UBE4B: variants seen among roughly 807,000 people sequenced by gnomAD.
UBE4B encodes the protein ubiquitin conjugation factor E4 B.
In UBE4B, 27 loss-of-function variants were observed where a neutral mutation model predicts 148.1. The observed-to-expected ratio is 0.18, with a 90% CI of 0.13 to 0.25. UBE4B has a LOEUF of 0.25. UBE4B is among the 10% of genes least tolerant of loss of function. The pLI, the probability that UBE4B is intolerant of heterozygous loss-of-function variation, is 1.00. For synonymous variants in UBE4B, 596 were observed against 619.3 expected (o/e 0.96, Z 0.56); for missense variants, 1,170 against 1,662.4 (o/e 0.70, Z 5.15).
In UBE4B at chr1:10,056,354, A is replaced by G. The variant is rs577288656; in HGVS notation, c.25-15674A>G. Among the ~76,000 whole-genome samples, 4 of 152,358 alleles carry G rather than the reference A, an allele frequency of 2.6e-5. No individual in the cohort carries two copies. In the East Asian group the frequency reaches 7.7e-4, roughly 29 times the overall value. ...GAGCAAAGGGATGGAGAAAACTGCT[A>G]GGCTGAAATTATTTTTTTAAAAAAG... On this transcript the variant is annotated intron_variant, in intron 1 of 27. Coordinates refer to ENST00000343090, the MANE Select transcript of UBE4B (RefSeq NM_001105562.3).
chr1:10,137,199 T>C lies in UBE4B; in HGVS notation c.2357T>C (p.Leu786Pro). The C allele has an allele frequency of 6.2e-7, 1 of 1,614,082 alleles. No homozygotes were observed. Among genetic ancestry groups the C allele is most frequent in the Non-Finnish European group, 8.5e-7 (1 of 1,179,990 alleles). Residue 786 changes from leucine (L) to proline (P), a missense_variant, in exon 17 of 28, where the codon CTC (leucine) becomes CCC (proline). Leu to Pro is a moderately conservative substitution (Grantham distance 98, BLOSUM62 -3). Coordinates refer to ENST00000343090, the MANE Select transcript of UBE4B (RefSeq NM_001105562.3). ...YIRRLRAIRELNRTVEDLKNN... is the reference protein window; with the variant it reads ...YIRRLRAIREPNRTVEDLKNN... Reference sequence around the variant, plus strand: ...CGCAGACTCCGGGCTATCCGGGAGCTCAATAGGTATGTGCCATGATACCGT... The same window carrying C: ...CGCAGACTCCGGGCTATCCGGGAGCCCAATAGGTATGTGCCATGATACCGT...
chr1:10,153,292 G>T (rs906412555), intron 21 of UBE4B, among the ~76,000 whole-genome samples: 7 of 151,690 alleles, frequency 4.6e-5, no homozygotes, highest in Admixed American at 2.0e-4. Flanking sequence ...GATTGTTTGA[G>T]CCTAAGAGTT....
At position 10,033,057 on chromosome 1, in the gene UBE4B, G is replaced by A. The variant is rs934246150; in HGVS notation, c.-614G>A. 1 of 152,326 alleles carries A rather than the reference G, an allele frequency of 6.6e-6. No individual in the cohort carries two copies. The highest frequency in any genetic ancestry group is 1.5e-5 in the Non-Finnish European group (1 of 68,100). 9.4% of individuals were successfully genotyped at this position (152,326 alleles called of 1,614,324 possible). A position where few individuals can be genotyped will look rare whatever the true frequency, so the allele number is the denominator to read the frequency against. ...AGGGGTAGGAGGATTTACTCTTCCAGCGAGAGCTACGCGCATCCCATCCTC... is the reference window on the plus strand; with the variant it reads ...AGGGGTAGGAGGATTTACTCTTCCAACGAGAGCTACGCGCATCCCATCCTC... On this transcript the variant is annotated 5_prime_UTR_variant, in exon 1 of 28. Transcript: ENST00000343090.
intron 1 of UBE4B, among the ~76,000 whole-genome samples, chr1:10,053,803 C>T (rs1644103433): frequency 6.6e-6 from 1 of 152,172 alleles, no homozygotes; most frequent in South Asian, 2.1e-4. Flanking sequence ...GATCCTCCCA[C>T]CTCAGCCTTC....
intron 2 of UBE4B, among the ~76,000 whole-genome samples, chr1:10,074,442 C>T (rs1644544474): frequency 6.6e-6 from 1 of 151,984 alleles, no homozygotes; most frequent in East Asian, 1.9e-4. Flanking sequence ...GCCAGCTTCT[C>T]CCCCACATCT....
At chr1:10,160,501 C>A (rs1646143555) in intron 22 of UBE4B, among the ~76,000 whole-genome samples, 1 of 152,092 alleles carries the variant, frequency 6.6e-6, no homozygotes, top group South Asian at 2.1e-4. Context: ...GCTGGTTTTC[C>A]ATGGTGTGAC....
intron 17 of UBE4B, among the ~76,000 whole-genome samples, chr1:10,143,379 C>CAATA (rs1645814649): frequency 6.6e-6 from 1 of 151,828 alleles, no homozygotes; most frequent in South Asian, 2.1e-4. Context: ...CCAGCCTGGG[C>CAATA]AATAGAGTGA....
At chr1:10,037,880 C>T (rs1163937158) in intron 1 of UBE4B, among the ~76,000 whole-genome samples, 3 of 151,928 alleles carry the variant, frequency 2.0e-5, no homozygotes, top group Non-Finnish European at 4.4e-5. Context: ...AACTGTTTTT[C>T]GACAATGGTA....
intron 23 of UBE4B, among the ~76,000 whole-genome samples, chr1:10,167,276 C>T (rs2102023113): frequency 6.6e-6 from 1 of 151,588 alleles, no homozygotes; most frequent in South Asian, 2.1e-4. Flanking sequence ...CCCGTCTCTA[C>T]TAAAAATACA....
intron 21 of UBE4B, among the ~76,000 whole-genome samples, chr1:10,151,778 T>G (rs1645979371): frequency 6.6e-6 from 1 of 152,168 alleles, no homozygotes; most frequent in African/African-American, 2.4e-5. Context: ...CTCTGATGAT[T>G]CAGCAGGAAC....
intron 24 of UBE4B, among the ~76,000 whole-genome samples, chr1:10,169,685 C>G (rs957010547): frequency 6.6e-6 from 1 of 152,190 alleles, no homozygotes; most frequent in Non-Finnish European, 1.5e-5. Flanking sequence ...ATTTTGTACA[C>G]TTGTTGGGAA....
intron 2 of UBE4B, among the ~76,000 whole-genome samples, chr1:10,074,078 A>G (rs761063229): frequency 1.3e-5 from 2 of 152,042 alleles, no homozygotes; most frequent in African/African-American, 2.4e-5. Context: ...AGCTGGGACT[A>G]TAGGCATGTG....
At chr1:10,147,542 A>T (rs1307420456) in intron 19 of UBE4B, among the ~76,000 whole-genome samples, 7 of 152,222 alleles carry the variant, frequency 4.6e-5, no homozygotes, top group African/African-American at 1.7e-4. Context: ...TTGCATTTAT[A>T]TAGATTATGT....
chr1:10,099,558 C>G (rs891325735), intron 3 of UBE4B, among the ~76,000 whole-genome samples: 2 of 152,048 alleles, frequency 1.3e-5, no homozygotes, highest in African/African-American at 4.8e-5. Context: ...AAGTTGATCT[C>G]TAAGAGTGAA....
chr1:10,118,592 C>T lies in UBE4B; in HGVS notation c.1339-921C>T, dbSNP rs548571783. On this transcript the variant is annotated intron_variant, in intron 8 of 27. Coordinates refer to ENST00000343090, the MANE Select transcript of UBE4B (RefSeq NM_001105562.3). ...CAATCTCGGCTCACCGCAACCTCTG[C>T]CTCCTGGGTTCAAGTGATTCTCCTG... is the stretch of plus-strand genomic sequence containing the variant. Among the ~76,000 whole-genome samples, 25 of 152,082 alleles carry T rather than the reference C, an allele frequency of 1.6e-4. 3 individuals carry two copies. In the South Asian group the frequency reaches 5.2e-3, roughly 32 times the overall value.
At chr1:10,112,746 T>C (rs1645242836) in intron 7 of UBE4B, among the ~76,000 whole-genome samples, 2 of 152,240 alleles carry the variant, frequency 1.3e-5, no homozygotes, top group African/African-American at 4.8e-5. Context: ...AAAATTTGAA[T>C]CTACCTCTTT....
At position 10,130,577 on chromosome 1, in the gene UBE4B, A is replaced by G. The variant is rs552514749; in HGVS notation, c.1773A>G (p.Leu591=). The G allele has an allele frequency of 9.2e-5, 149 of 1,614,116 alleles. 1 individual carries two copies. In the South Asian group the frequency reaches 1.5e-3, roughly 16 times the overall value. ...CGRELQRLSY[L]GAFFSFSVFA... is the part of the protein sequence containing the mutation. ...GGGAGCTGCAGAGACTCTCTTACTT[A>G]GGGGCTTTCTTTAGCTTCTCAGTCT... Residue 591 remains leucine (L), a synonymous_variant, in exon 13 of 28, where the codon TTA becomes TTG. Coordinates refer to ENST00000343090, the MANE Select transcript of UBE4B (RefSeq NM_001105562.3).
In UBE4B at chr1:10,149,217, G is replaced by C; in HGVS notation, c.2625G>C (p.Lys875Asn). 1 of 1,609,914 alleles carries C rather than the reference G, an allele frequency of 6.2e-7. No individual in the cohort carries two copies. The highest frequency in any genetic ancestry group is 8.5e-7 in the Non-Finnish European group (1 of 1,178,806). The change falls in exon 20 of 28, where the codon AAG becomes AAC. Residue 875 changes from lysine (K) to asparagine (N), a missense_variant. Around this residue, in one of 6 missense-constraint regions of UBE4B, gnomAD observed 348 missense variants for 627.2 expected, o/e 0.55. Transcript: ENST00000343090. ...ITLPLNSDVP[K>N]VFAALPEFYV... The stretch of plus-strand genomic sequence containing the variant: ...TGCCTTTAAATTCAGATGTCCCCAA[G>C]GTATTTGCAGCGTTGCCTGAGTTTT...
At chr1:10,044,571 T>C (rs912393689) in intron 1 of UBE4B, among the ~76,000 whole-genome samples, 1 of 151,624 alleles carries the variant, frequency 6.6e-6, no homozygotes, top group Admixed American at 6.6e-5. Flanking sequence ...CTTCCTTCCT[T>C]CCCTCCCTCT....
Sources: allele counts gnomAD v4.1 joint callset (sites outside exome capture counted in the v4.1 genomes callset), GRCh38; gene constraint gnomAD v4.1.1; regional missense constraint gnomAD v4.1.1; transcripts MANE v1.5; gene names NCBI Gene and HGNC (gene_info 2026-07-23, HGNC 2026-07-21).